Variants in PICALM observed in about 807,000 individuals in gnomAD.
PICALM encodes the protein phosphatidylinositol binding clathrin assembly protein, also known as phosphatidylinositol-binding clathrin assembly protein.
PICALM carries 40 observed loss-of-function variants against 80.5 expected under a neutral mutation model. The ratio of observed to expected loss-of-function variants is 0.50; its 90% CI spans 0.39 to 0.65. PICALM has a LOEUF of 0.65. Among genes scored for constraint, PICALM ranks in the 30% least tolerant of loss-of-function variants. PICALM has a pLI of 0.00. For missense variants in PICALM, 676 were observed against 778.9 expected, an observed-to-expected ratio of 0.87 and a Z score of 1.57; for synonymous variants, 288 against 260.3, an observed-to-expected ratio of 1.11 and a Z score of -1.02.
intron 19 of PICALM, among the ~76,000 whole-genome samples, chr11:85,972,603 A>G (rs1050977224): frequency 1.3e-5 from 2 of 152,230 alleles, no homozygotes; most frequent in Non-Finnish European, 2.9e-5. Context: ...CTGCAAATCA[A>G]GATGCAGAGT....
At chr11:86,068,613 G>A in intron 1 of PICALM, 38 bp downstream of exon 1, 2 of 1,588,324 alleles carry the variant, frequency 1.3e-6, no homozygotes, top group Non-Finnish European at 8.6e-7. Context: ...GGGTCGCGCG[G>A]GCGCCGGGGA....
intron 1 of PICALM, among the ~76,000 whole-genome samples, chr11:86,046,278 C>T (rs756637626): frequency 1.6e-4 from 25 of 152,136 alleles, no homozygotes; most frequent in Non-Finnish European, 3.5e-4. Flanking sequence ...CTAACCAACA[C>T]ATCAGAATGA....
chr11:86,019,191 G>C (rs906227715), intron 4 of PICALM, among the ~76,000 whole-genome samples: 5 of 152,028 alleles, frequency 3.3e-5, no homozygotes, highest in Non-Finnish European at 7.4e-5. Flanking sequence ...TCTCCAAAAG[G>C]TGTAGCCTAC....
At chr11:85,962,797 T>G (rs774519988) in intron 19 of PICALM, among the ~76,000 whole-genome samples, 1 of 152,188 alleles carries the variant, frequency 6.6e-6, no homozygotes, top group Non-Finnish European at 1.5e-5. Flanking sequence ...ATCAAGCGGA[T>G]GAAACCATAG....
intron 19 of PICALM, among the ~76,000 whole-genome samples, chr11:85,961,550 C>T (rs1157525549): frequency 6.6e-6 from 1 of 152,228 alleles, no homozygotes; most frequent in Non-Finnish European, 1.5e-5. Context: ...CTCCCAAACA[C>T]AGACTATTCC....
At chr11:86,025,644 C>T (rs1339248797) in intron 3 of PICALM, among the ~76,000 whole-genome samples, 5 of 151,758 alleles carry the variant, frequency 3.3e-5, no homozygotes, top group East Asian at 2.0e-4. Flanking sequence ...CTGCAACCTT[C>T]GCCTCCTGGG....
chr11:86,051,276 C>G (rs999955077), intron 1 of PICALM, among the ~76,000 whole-genome samples: 1 of 152,130 alleles, frequency 6.6e-6, no homozygotes. Flanking sequence ...AGAAAATAAA[C>G]TATTTTAGTA....
chr11:86,068,460 G>T (rs929539022), intron 1 of PICALM, among the ~76,000 whole-genome samples, 191 bp downstream of exon 1: 2 of 152,138 alleles, frequency 1.3e-5, no homozygotes, highest in African/African-American at 2.4e-5. Flanking sequence ...TTTGAGACGG[G>T]GAGCGGAGGC....
At position 86,006,819 on chromosome 11, in the gene PICALM, T is replaced by G. The variant is rs1053856564; in HGVS notation, c.807+723A>C. ...AATCAGCCAGAACAACCAGCAGGTATGAAGTTTTTTCCTAGAAAATTTTTT... is the reference window on the plus strand; with the variant it reads ...AATCAGCCAGAACAACCAGCAGGTAGGAAGTTTTTTCCTAGAAAATTTTTT... On this transcript the variant is annotated intron_variant, in intron 8 of 19. Transcript: ENST00000393346. 2.6e-5 allele frequency among the ~76,000 whole-genome samples: 4 copies of G among 152,274 alleles called. No individual in the cohort carries two copies. In the South Asian group the frequency reaches 8.3e-4, roughly 32 times the overall value.
intron 12 of PICALM, among the ~76,000 whole-genome samples, chr11:85,990,899 A>C (rs1281608731): frequency 6.6e-6 from 1 of 152,198 alleles, no homozygotes; most frequent in Non-Finnish European, 1.5e-5. Context: ...ATAAAAAATA[A>C]AGATGAAGAA....
intron 19 of PICALM, among the ~76,000 whole-genome samples, chr11:85,965,215 C>A (rs1694111778): frequency 6.6e-6 from 1 of 152,142 alleles, no homozygotes; most frequent in African/African-American, 2.4e-5. Context: ...TGATACCTTC[C>A]ACCATACTAT....
intron 13 of PICALM, among the ~76,000 whole-genome samples, chr11:85,987,218 T>A (rs1245876951): frequency 6.6e-6 from 1 of 152,180 alleles, no homozygotes; most frequent in African/African-American, 2.4e-5. Flanking sequence ...CCCTATGACA[T>A]AGTTATTATT....
intron 11 of PICALM, among the ~76,000 whole-genome samples, chr11:85,999,012 A>G (rs1306695783): frequency 6.6e-6 from 1 of 152,230 alleles, no homozygotes; most frequent in Non-Finnish European, 1.5e-5. Flanking sequence ...TGGGATACAT[A>G]TGATATTGTG....
chr11:86,066,526 T>C (rs1051998069), intron 1 of PICALM, among the ~76,000 whole-genome samples: 4 of 152,056 alleles, frequency 2.6e-5, no homozygotes, highest in Non-Finnish European at 4.4e-5. Context: ...ACAAGAGAAA[T>C]AGCTAATAAC....
chr11:86,003,651 A>G (rs922347747), intron 8 of PICALM, 200 bp from the exon 9 acceptor site: 2 of 382,644 alleles, frequency 5.2e-6, no homozygotes, highest in African/African-American at 4.1e-5. Flanking sequence ...GATATTAAGA[A>G]ACATTATCAA....
chr11:86,062,064 T>C (rs562485516), intron 1 of PICALM, among the ~76,000 whole-genome samples: 2 of 152,164 alleles, frequency 1.3e-5, no homozygotes, highest in Admixed American at 6.5e-5. Flanking sequence ...GGCAAAACTA[T>C]GGAGACAGTT....
At chr11:86,022,989 A>G (rs1356380427) in intron 3 of PICALM, among the ~76,000 whole-genome samples, 2 of 152,322 alleles carry the variant, frequency 1.3e-5, no homozygotes, top group South Asian at 2.1e-4. Context: ...GGGTGTAACA[A>G]AAACAATTAT....
Position 86,046,518 on chromosome 11 carries a change from T to C in PICALM, c.131-14907A>G, listed in dbSNP as rs908947868. 2.0e-5 allele frequency among the ~76,000 whole-genome samples: 3 copies of C among 152,214 alleles called. No homozygotes were observed. In the East Asian group the frequency reaches 5.8e-4, roughly 29 times the overall value. ...ATTTCTTTCTTACCATCATTTTGTATTGATGTTTTCCCTCATTTTAGGAGA... is the reference window on the plus strand; with the variant it reads ...ATTTCTTTCTTACCATCATTTTGTACTGATGTTTTCCCTCATTTTAGGAGA... On this transcript the variant is annotated intron_variant, in intron 1 of 19. Coordinates refer to ENST00000393346, the MANE Select transcript of PICALM (RefSeq NM_007166.4).
At chr11:86,046,556 C>T (rs1055170535) in intron 1 of PICALM, among the ~76,000 whole-genome samples, 8 of 152,156 alleles carry the variant, frequency 5.3e-5, no homozygotes, top group Non-Finnish European at 7.4e-5. Flanking sequence ...ACTCCTCTAT[C>T]ACCTTTCCAA....
Sources: allele counts gnomAD v4.1 joint callset (sites outside exome capture counted in the v4.1 genomes callset), GRCh38; gene constraint gnomAD v4.1.1; transcripts MANE v1.5; gene names NCBI Gene and HGNC (gene_info 2026-07-23, HGNC 2026-07-21).